PCDH11X: variants seen among roughly 807,000 people sequenced by gnomAD.
PCDH11X encodes protocadherin-11 X-linked.
In PCDH11X, 18 loss-of-function variants were observed where a neutral mutation model predicts 53.3. The ratio of observed to expected loss-of-function variants is 0.34; its 90% CI spans 0.23 to 0.50. PCDH11X has a LOEUF of 0.50. PCDH11X is among the 20% of genes least tolerant of loss of function. The pLI, the probability that PCDH11X is intolerant of heterozygous loss-of-function variation, is 0.98. For missense variants in PCDH11X, 570 were observed against 1,032.4 expected, an observed-to-expected ratio of 0.55 and a Z score of 6.14; for synonymous variants, 279 against 393.3, an observed-to-expected ratio of 0.71 and a Z score of 3.44.
rs1928445233 is a variant in PCDH11X at position 92,621,065 on chromosome X, T to C, written c.*2125T>C. 9.8e-6 allele frequency: 1 copy of C among 102,387 alleles called. No homozygotes were observed. The highest frequency in any genetic ancestry group is 3.8e-5 in the African/African-American group (1 of 26,287). The allele number at this position is 102,387 out of a possible 1,213,427, so 8.4% of individuals were successfully genotyped here. ...AAAAACCTGCAAAGATGATGTGAGA[T>C]TTTTTCTTGTGTTTTAATTATTTTC... On this transcript the variant is annotated 3_prime_UTR_variant, in exon 11 of 11. Coordinates refer to ENST00000682573, the MANE Select transcript of PCDH11X (RefSeq NM_032968.5).
At chrX:92,127,993 C>T in intron 6 of PCDH11X, among the ~76,000 whole-genome samples, 1 of 111,886 alleles carries the variant, frequency 8.9e-6, no homozygotes, top group African/African-American at 3.2e-5. Context: ...GTAATTTTGT[C>T]TCAGAAGCAG....
intron 6 of PCDH11X, among the ~76,000 whole-genome samples, chrX:91,954,587 G>A (rs1336728684): frequency 9.0e-6 from 1 of 110,829 alleles, no homozygotes; most frequent in African/African-American, 3.3e-5. Context: ...CAGTGTAAAA[G>A]CATTCCTTTT....
intron 6 of PCDH11X, among the ~76,000 whole-genome samples, chrX:92,001,473 T>TG (rs1322535501): frequency 6.0e-5 from 2 of 33,327 alleles, no homozygotes; most frequent in African/African-American, 1.9e-4. Flanking sequence ...TTTTTCTTTC[T>TG]TTTTTTTTTT....
At chrX:92,133,096 G>A (rs1287465285) in intron 6 of PCDH11X, among the ~76,000 whole-genome samples, 3 of 110,636 alleles carry the variant, frequency 2.7e-5, no homozygotes, top group Non-Finnish European at 5.7e-5. Flanking sequence ...TTGCACATTC[G>A]TTTATATATG....
chrX:91,818,271 C>T (rs1376286655), intron 4 of PCDH11X, among the ~76,000 whole-genome samples: 2 of 110,929 alleles, frequency 1.8e-5, no homozygotes, highest in East Asian at 2.8e-4. Flanking sequence ...TTTCTTTTTT[C>T]GTAATCTCTT....
At chrX:92,412,420 A>G (rs1185688235) in intron 9 of PCDH11X, among the ~76,000 whole-genome samples, 1 of 103,146 alleles carries the variant, frequency 9.7e-6, no homozygotes, top group East Asian at 3.0e-4. Flanking sequence ...CTCAGAACCT[A>G]CTGAGGTGCT....
chrX:92,387,941 A>G lies in PCDH11X; in HGVS notation c.3343+8A>G, dbSNP rs370726501. Reference sequence around the variant, plus strand: ...ACTCCGATCCTGAATCTAGTAAGTGATACCTCTCTGGTTCCTCAATATAAA... The same window carrying G: ...ACTCCGATCCTGAATCTAGTAAGTGGTACCTCTCTGGTTCCTCAATATAAA... On this transcript the variant is annotated splice_region_variant and intron_variant, in intron 9 of 10. Coordinates refer to ENST00000682573, the MANE Select transcript of PCDH11X (RefSeq NM_032968.5). 2.7e-5 allele frequency: 32 copies of G among 1,204,669 alleles called. No homozygotes were observed. In the African/African-American group the frequency reaches 5.3e-4, roughly 20 times the overall value.
chrX:91,907,412 C>CAG lies in PCDH11X; in HGVS notation c.3033+28168_3033+28169dup, dbSNP rs59848282. Among the ~76,000 whole-genome samples the CAG allele has an allele frequency of 3.5e-3, 203 of 57,459 alleles. 3 individuals are homozygous for CAG. The highest frequency in any genetic ancestry group is 7.8e-3 in the South Asian group (7 of 899). 49.9% of individuals were successfully genotyped at this position (57,459 alleles called of 115,157 possible). A position where few individuals can be genotyped will look rare whatever the true frequency, so the allele number is the denominator to read the frequency against. ...ACACACACACACACACACACACACACAGAGAGAGAGAGAGAGAGAGAGAGA... is the reference window on the plus strand; with the variant it reads ...ACACACACACACACACACACACACACAGAGAGAGAGAGAGAGAGAGAGAGAGA... On this transcript the variant is annotated intron_variant, in intron 6 of 10. Transcript: ENST00000682573.
chrX:92,499,529 G>A (rs2073919600), intron 10 of PCDH11X, among the ~76,000 whole-genome samples: 1 of 82,934 alleles, frequency 1.2e-5, no homozygotes, highest in Non-Finnish European at 2.3e-5. Flanking sequence ...ACTGGGTACG[G>A]TGGCTCATGC....
At chrX:91,811,366 G>A (rs2563655) in intron 4 of PCDH11X, 71 bp downstream of exon 4, 212,127 of 911,803 alleles carry the variant, frequency 0.23, 20,073 homozygotes, top group African/African-American at 0.48. Context: ...TAGTAATTTT[G>A]TCTGAACTCC....
At chrX:91,880,626 A>T (rs937767795) in intron 6 of PCDH11X, among the ~76,000 whole-genome samples, 7 of 110,963 alleles carry the variant, frequency 6.3e-5, no homozygotes, top group Admixed American at 1.9e-4. Flanking sequence ...TACAGTAGGT[A>T]CACAATTAAA....
At chrX:92,188,078 A>G (rs1323417496) in intron 6 of PCDH11X, among the ~76,000 whole-genome samples, 2 of 111,359 alleles carry the variant, frequency 1.8e-5, no homozygotes, top group East Asian at 5.7e-4. Context: ...CATTGAAGAG[A>G]GTAGGAATTC....
At chrX:92,420,736 T>C (rs930783594) in intron 9 of PCDH11X, among the ~76,000 whole-genome samples, 1 of 111,843 alleles carries the variant, frequency 8.9e-6, no homozygotes, top group Non-Finnish European at 1.9e-5. Flanking sequence ...TTTCTTTCTC[T>C]ATTGTTAGAA....
rs10682179 is a variant in PCDH11X, at chrX:92,155,641, T to TC, written c.3034-45732dup. On this transcript the variant is annotated intron_variant, in intron 6 of 10. Transcript: ENST00000682573. Reference sequence around the variant, plus strand: ...GCTTTTTTTTTTTTTTTTTTTTTTTTCCTGAGACAGAGTCTCGCTCTGTCG... The same window carrying TC: ...GCTTTTTTTTTTTTTTTTTTTTTTTTCCCTGAGACAGAGTCTCGCTCTGTCG... Among the ~76,000 whole-genome samples the TC allele has an allele frequency of 3.1e-3, 281 of 90,914 alleles. 1 individual carries two copies. The highest frequency in any genetic ancestry group is 0.011 in the African/African-American group (268 of 24,416). The allele number at this position is 90,914 out of a possible 115,157, so 78.9% of individuals were successfully genotyped here. A position where few individuals can be genotyped will look rare whatever the true frequency, so the allele number is the denominator to read the frequency against.
intron 6 of PCDH11X, among the ~76,000 whole-genome samples, chrX:92,163,640 C>T (rs977560792): frequency 8.9e-6 from 1 of 111,841 alleles, no homozygotes; most frequent in Non-Finnish European, 1.9e-5. Flanking sequence ...TGGGGGCAGA[C>T]AGTCCCCCTT....
rs745506714 is a variant in PCDH11X at position 91,994,893 on chromosome X, G to A, written c.3033+115620G>A. Among the ~76,000 whole-genome samples the A allele has an allele frequency of 3.6e-5, 4 of 111,121 alleles. No individual in the cohort carries two copies. The East Asian group carries it at 8.6e-4, about 24-fold the overall frequency. On this transcript the variant is annotated intron_variant, in intron 6 of 10. Coordinates refer to ENST00000682573, the MANE Select transcript of PCDH11X (RefSeq NM_032968.5). Reference sequence around the variant, plus strand: ...TGGTTTTAATTTGCATTTCCCTAATGATTAGTGATGTTGCACACATTTTCA... The same window carrying A: ...TGGTTTTAATTTGCATTTCCCTAATAATTAGTGATGTTGCACACATTTTCA...
intron 8 of PCDH11X, among the ~76,000 whole-genome samples, chrX:92,274,653 C>T (rs1301112809): frequency 1.8e-5 from 2 of 109,515 alleles, no homozygotes; most frequent in Non-Finnish European, 3.8e-5. Flanking sequence ...TGAATAATCC[C>T]TGAGGAGTAG....
chrX:92,009,593 A>C (rs751937755), intron 6 of PCDH11X, among the ~76,000 whole-genome samples: 1 of 110,514 alleles, frequency 9.0e-6, no homozygotes, highest in African/African-American at 3.3e-5. Context: ...TCAGGAAAGA[A>C]TTGCTTTCAG....
chrX:91,838,431 G>A (rs1396955959), intron 5 of PCDH11X, among the ~76,000 whole-genome samples: 1 of 111,534 alleles, frequency 9.0e-6, no homozygotes, highest in Non-Finnish European at 1.9e-5. Context: ...GACAAATACT[G>A]TTTTGACTGC....
Sources: gnomAD v4.1 joint callset for allele counts (sites outside exome capture counted in the v4.1 genomes callset) on GRCh38, gnomAD v4.1.1 for gene constraint, MANE v1.5 for transcripts, NCBI Gene and HGNC (gene_info 2026-07-23, HGNC 2026-07-21) for gene names.